SORCS3: variants seen among roughly 807,000 people sequenced by gnomAD.
SORCS3 encodes VPS10 domain-containing receptor SorCS3.
SORCS3 carries 57 observed loss-of-function variants against 146.3 expected under a neutral mutation model. That is an observed-to-expected ratio of 0.39 (90% CI 0.31 to 0.49). SORCS3 has a LOEUF of 0.49. Among genes scored for constraint, SORCS3 ranks in the 20% least tolerant of loss-of-function variants. SORCS3 has a pLI of 0.92. For missense variants in SORCS3, 1,341 were observed against 1,575.5 expected (o/e 0.85, Z 2.52); for synonymous variants, 653 against 618.5 (o/e 1.06, Z -0.83).
chr10:104,807,641 C>G (rs939511746), intron 1 of SORCS3, among the ~76,000 whole-genome samples: 2 of 152,110 alleles, frequency 1.3e-5, no homozygotes, highest in Admixed American at 1.3e-4. Flanking sequence ...CTTTCTTCAC[C>G]TCTTTTCTCT....
Position 105,223,112 on chromosome 10 carries a change from T to C in SORCS3, c.2735-4T>C, listed in dbSNP as rs759327979. 1 of 1,598,878 alleles carries C rather than the reference T, an allele frequency of 6.3e-7. No individual in the cohort carries two copies. Among genetic ancestry groups the C allele is most frequent in the African/African-American group, 1.3e-5 (1 of 74,428 alleles). ...ACACTGACTTTTTTTTTCTGTTTCC[T>C]TAGGTCCTGTGGAGCATGTTCATCT... is the stretch of plus-strand genomic sequence containing the variant. On this transcript the variant is annotated splice_polypyrimidine_tract_variant and splice_region_variant and intron_variant, in intron 19 of 26. Transcript: ENST00000369701.
At chr10:105,057,102 C>G (rs73342207) in intron 5 of SORCS3, among the ~76,000 whole-genome samples, 7,022 of 152,152 alleles carry the variant, frequency 0.046, 185 homozygotes, top group Middle Eastern at 0.075. Flanking sequence ...ATTATGTGGT[C>G]TAGTGATTTC....
intron 1 of SORCS3, among the ~76,000 whole-genome samples, chr10:104,695,090 T>G (rs928852299): frequency 6.6e-6 from 1 of 152,176 alleles, no homozygotes; most frequent in African/African-American, 2.4e-5. Flanking sequence ...AACTTCATTA[T>G]CAGAAGTGGT....
intron 6 of SORCS3, among the ~76,000 whole-genome samples, chr10:105,093,808 CTCTGAAAAGATAT>C (rs2055726553): frequency 6.6e-6 from 1 of 152,032 alleles, no homozygotes; most frequent in South Asian, 2.1e-4. Flanking sequence ...GGTACAGCTA[CTCTGAAAAGATAT>C]TTTGGTAGTT....
chr10:104,905,727 C>T (rs1427505875), intron 2 of SORCS3, among the ~76,000 whole-genome samples: 2 of 152,116 alleles, frequency 1.3e-5, no homozygotes, highest in African/African-American at 2.4e-5. Flanking sequence ...AAAGCCGATA[C>T]GATGCTCTCT....
chr10:105,036,537 TCAC>T (rs1039708312), intron 4 of SORCS3, among the ~76,000 whole-genome samples: 4 of 152,130 alleles, frequency 2.6e-5, no homozygotes, highest in African/African-American at 9.7e-5. Flanking sequence ...GGCTGGTGGA[TCAC>T]CTGAGGTCAG....
intron 2 of SORCS3, among the ~76,000 whole-genome samples, chr10:104,876,414 C>T (rs1419934067): frequency 6.6e-6 from 1 of 152,160 alleles, no homozygotes; most frequent in Non-Finnish European, 1.5e-5. Context: ...ATGCACTCTT[C>T]ACATTAATCT....
At chr10:105,069,038 T>C (rs1417222739) in intron 5 of SORCS3, among the ~76,000 whole-genome samples, 4 of 152,338 alleles carry the variant, frequency 2.6e-5, no homozygotes, top group South Asian at 4.1e-4. Flanking sequence ...GAAATCAAGA[T>C]AGACAAAAAC....
intron 4 of SORCS3, among the ~76,000 whole-genome samples, chr10:105,019,028 C>T (rs760459277): frequency 6.6e-6 from 1 of 152,060 alleles, no homozygotes; most frequent in Non-Finnish European, 1.5e-5. Flanking sequence ...CTATCACTGT[C>T]TTCACTTCCT....
chr10:105,161,433 C>T (rs2056261803), intron 11 of SORCS3, among the ~76,000 whole-genome samples: 1 of 152,146 alleles, frequency 6.6e-6, no homozygotes. Context: ...GTGTCAGTCA[C>T]CCTGGGCTCT....
chr10:105,096,776 T>C (rs970606579), intron 6 of SORCS3, among the ~76,000 whole-genome samples: 3 of 152,162 alleles, frequency 2.0e-5, no homozygotes, highest in Non-Finnish European at 2.9e-5. Flanking sequence ...ACAGTGGTTA[T>C]TGAGTCCTTG....
chr10:105,080,587 T>C (rs1403720618), intron 5 of SORCS3, among the ~76,000 whole-genome samples: 3 of 152,224 alleles, frequency 2.0e-5, no homozygotes, highest in Non-Finnish European at 4.4e-5. Flanking sequence ...CAATTGCTTT[T>C]GGCATCTTCA....
At chr10:105,174,275 T>C (rs148123898) in intron 13 of SORCS3, among the ~76,000 whole-genome samples, 1 of 152,270 alleles carries the variant, frequency 6.6e-6, no homozygotes, top group African/African-American at 2.4e-5. Flanking sequence ...CTGATTTCAG[T>C]TTCCCTGTGG....
chr10:105,010,152 CTG>C (rs2133680418), intron 4 of SORCS3, among the ~76,000 whole-genome samples: 1 of 152,248 alleles, frequency 6.6e-6, no homozygotes, highest in East Asian at 1.9e-4. Context: ...TCTCACTATG[CTG>C]TGAGTCTCAG....
intron 5 of SORCS3, among the ~76,000 whole-genome samples, chr10:105,078,050 C>G (rs1589621607): frequency 6.6e-6 from 1 of 152,296 alleles, no homozygotes; most frequent in Non-Finnish European, 1.5e-5. Context: ...ATTTGTCAAG[C>G]AAATCACAGA....
chr10:105,090,121 G>C (rs893226545), intron 6 of SORCS3, among the ~76,000 whole-genome samples: 2 of 152,168 alleles, frequency 1.3e-5, no homozygotes, highest in African/African-American at 4.8e-5. Flanking sequence ...GTAATTTGAA[G>C]AGGAATGTCC....
intron 1 of SORCS3, among the ~76,000 whole-genome samples, chr10:104,720,148 C>A (rs1206523704): frequency 6.6e-6 from 1 of 151,974 alleles, no homozygotes; most frequent in African/African-American, 2.4e-5. Context: ...CACAACAGGC[C>A]CCAGTGTGTC....
chr10:105,262,259 C>T, intron 25 of SORCS3, 72 bp from the exon 26 acceptor site: 1 of 1,434,092 alleles, frequency 7.0e-7, no homozygotes, highest in Non-Finnish European at 9.7e-7. Flanking sequence ...CCCCTTATCC[C>T]CCAGGATTTC....
intron 3 of SORCS3, among the ~76,000 whole-genome samples, chr10:104,918,783 G>T (rs1382261702): frequency 6.6e-6 from 1 of 152,194 alleles, no homozygotes; most frequent in African/African-American, 2.4e-5. Flanking sequence ...GTGCCCTACA[G>T]CGCTGATCTC....
Sources: gnomAD v4.1 joint callset for allele counts (sites outside exome capture counted in the v4.1 genomes callset) on GRCh38, gnomAD v4.1.1 for gene constraint, MANE v1.5 for transcripts, NCBI Gene and HGNC (gene_info 2026-07-23, HGNC 2026-07-21) for gene names.